The following DNMT1 variants were observed in gnomAD, a reference collection of about 807,000 sequenced individuals.
DNMT1 encodes the protein DNA (cytosine-5)-methyltransferase 1.
Under a neutral mutation model 205.3 loss-of-function variants are expected in DNMT1, and 24 were observed. That is an observed-to-expected ratio of 0.12 (90% CI 0.08 to 0.16). The LOEUF (loss-of-function observed/expected upper bound fraction) is 0.16. Among genes scored for constraint, DNMT1 ranks in the 10% least tolerant of loss-of-function variants. DNMT1 has a pLI of 1.00. For synonymous variants in DNMT1, 817 were observed against 839.8 expected, an observed-to-expected ratio of 0.97 and a Z score of 0.47; for missense variants, 1,293 against 2,177.7, an observed-to-expected ratio of 0.59 and a Z score of 8.09.
chr19:10,139,915 T>C, intron 33 of DNMT1, 98 bp from the exon 34 acceptor site: 1 of 1,575,946 alleles, frequency 6.3e-7, no homozygotes, highest in East Asian at 2.3e-5. Context: ...TATCAAAGTC[T>C]CTCCCTGGTG....
chr19:10,185,601 A>T (rs2039162662), intron 1 of DNMT1, among the ~76,000 whole-genome samples: 1 of 151,962 alleles, frequency 6.6e-6, no homozygotes, highest in Admixed American at 6.6e-5. Flanking sequence ...CCAAGGCAGG[A>T]GGATCACTTG....
chr19:10,173,254 T>G (rs979494144), intron 8 of DNMT1, 80 bp from the exon 9 acceptor site: 2 of 1,421,970 alleles, frequency 1.4e-6, no homozygotes, highest in African/African-American at 2.8e-5. Flanking sequence ...AAGCTCCTCT[T>G]TCCCCCAAAA....
chr19:10,136,190 G>A lies in DNMT1; in HGVS notation c.4587C>T (p.Leu1529=). The change falls in exon 38 of 41, where the codon CTC becomes CTT. Residue 1529 remains leucine (L), a synonymous_variant. Transcript: ENST00000359526. ...AGCCGTCCCACTCGAGCCTTCCATA[G>A]AGGCCAGCCCAGTGGTTGTGCCGGT... ...TGNRHNHWAG[L]YGRLEWDGFF... 6.2e-7 allele frequency: 1 copy of A among 1,614,162 alleles called. No individual in the cohort carries two copies. Among genetic ancestry groups the A allele is most frequent in the Non-Finnish European group, 8.5e-7 (1 of 1,180,046 alleles).
intron 7 of DNMT1, 65 bp from the exon 8 acceptor site, chr19:10,173,970 A>G: frequency 6.7e-7 from 1 of 1,487,994 alleles, no homozygotes; most frequent in Non-Finnish European, 9.4e-7. Flanking sequence ...GTCAACACCA[A>G]AAGTGTGAGT....
rs1568238267 is a variant in DNMT1, at chr19:10,159,954, CAG to C, written c.1090-34_1090-33del. 1.5e-5 allele frequency: 24 copies of C among 1,614,218 alleles called. No individual in the cohort carries two copies. Among genetic ancestry groups the C allele is most frequent in the South Asian group, 1.1e-4 (10 of 91,078 alleles). ...GAGCAGGAACACAGATGATGGCACT[CAG>C]AGAGCAGCTCCCAGCCGCCTCGTGA... On this transcript the variant is annotated intron_variant, in intron 15 of 40. Coordinates refer to ENST00000359526, the MANE Select transcript of DNMT1 (RefSeq NM_001130823.3). This position sits in a 1 kb window ranked among gnomAD's most constrained non-coding sequence, Gnocchi z 5.0.
Position 10,159,640 on chromosome 19 carries a change from A to C in DNMT1, c.1280+18T>G, listed in dbSNP as rs780702220. On this transcript the variant is annotated intron_variant, in intron 17 of 40. Transcript: ENST00000359526. The surrounding 1 kb of genome is among the most constrained non-coding windows in gnomAD (Gnocchi z 5.0). ...GCCTCCTTCCACGAAGCAAACATGC[A>C]CACGAAAGTGCACTTACCTGAAGCA... is the stretch of plus-strand genomic sequence containing the variant. 5.0e-6 allele frequency: 8 copies of C among 1,613,580 alleles called. No individual in the cohort carries two copies. The highest frequency in any genetic ancestry group is 2.7e-5 in the African/African-American group (2 of 74,926).
At chr19:10,188,045 G>A (rs760044213) in intron 1 of DNMT1, among the ~76,000 whole-genome samples, 112 of 152,310 alleles carry the variant, frequency 7.4e-4, no homozygotes, top group Non-Finnish European at 4.1e-4. Context: ...AGGAGACTGA[G>A]GCAGGAGGAT....
At chr19:10,191,692 T>A (rs1204728514) in intron 1 of DNMT1, among the ~76,000 whole-genome samples, 2 of 152,110 alleles carry the variant, frequency 1.3e-5, no homozygotes, top group African/African-American at 4.8e-5. Context: ...GCATCCACTT[T>A]TAAGAACTCT....
intron 1 of DNMT1, among the ~76,000 whole-genome samples, chr19:10,182,440 T>C (rs368242309): frequency 2.9e-5 from 4 of 137,718 alleles, no homozygotes; most frequent in East Asian, 4.1e-4. Flanking sequence ...TGTATATATA[T>C]ACATATATAT....
Position 10,154,992 on chromosome 19 carries a change from C to T in DNMT1, c.1557G>A (p.Gln519=). 1 of 1,614,042 alleles carries T rather than the reference C, an allele frequency of 6.2e-7. No individual in the cohort carries two copies. Among genetic ancestry groups the T allele is most frequent in the Non-Finnish European group, 8.5e-7 (1 of 1,180,000 alleles). The change falls in exon 20 of 41, where the codon CAG becomes CAA. Residue 519 remains glutamine (Q), a synonymous_variant. Coordinates refer to ENST00000359526, the MANE Select transcript of DNMT1 (RefSeq NM_001130823.3). This position sits in a 1 kb window ranked among gnomAD's most constrained non-coding sequence, Gnocchi z 6.3. The part of the protein sequence containing the change: ...PEYAPIFGLM[Q]EKIYISKIVV... ...CAATCTTGCTGATGTAGATCTTCTCCTGCATCAGCCCAAATATGGGCGCAT... is the reference window on the plus strand; with the variant it reads ...CAATCTTGCTGATGTAGATCTTCTCTTGCATCAGCCCAAATATGGGCGCAT...
At chr19:10,147,268 A>ATAAG (rs1404028873) in intron 27 of DNMT1, among the ~76,000 whole-genome samples, 1 of 26,088 alleles carries the variant, frequency 3.8e-5, no homozygotes, top group Non-Finnish European at 8.6e-5. Flanking sequence ...TCTCAGATAA[A>ATAAG]TAAATAAATA....
rs1344298238 is a variant in DNMT1 at position 10,134,076 on chromosome 19, C to T, written c.4864+141G>A. The T allele has an allele frequency of 6.1e-6, 5 of 816,794 alleles. 1 individual carries two copies. In the Admixed American group the frequency reaches 1.0e-4, roughly 16 times the overall value. 50.6% of individuals were successfully genotyped at this position (816,794 alleles called of 1,614,324 possible). ...AACTCACTCAATCCTCACAGCAGCC[C>T]CTTGAGAAAGATGGGGCCACGAACG... On this transcript the variant is annotated intron_variant, in intron 40 of 40. Transcript: ENST00000359526.
At position 10,160,359 on chromosome 19, in the gene DNMT1, G is replaced by A. The variant is rs747406267; in HGVS notation, c.1043+25C>T. 1.5e-5 allele frequency: 25 copies of A among 1,613,852 alleles called. No homozygotes were observed. The African/African-American group carries it at 2.0e-4, about 13-fold the overall frequency. On this transcript the variant is annotated intron_variant, in intron 14 of 40. Transcript: ENST00000359526. ...CATTTTAACATTACCATCTGCTTTC[G>A]ATAATGTCAAGAATAAATTCTTACG...
At position 10,138,033 on chromosome 19, in the gene DNMT1, ACC is replaced by A; in HGVS notation, c.4116-26_4116-25del. 1.2e-6 allele frequency: 2 copies of A among 1,602,584 alleles called. No individual in the cohort carries two copies. Among genetic ancestry groups the A allele is most frequent in the Non-Finnish European group, 1.7e-6 (2 of 1,174,570 alleles). On this transcript the variant is annotated intron_variant, in intron 35 of 40. Transcript: ENST00000359526. The surrounding 1 kb of genome is among the most constrained non-coding windows in gnomAD (Gnocchi z 4.1). ...ACCTGCAACAGAGGAGGAGGTCAAC[ACC>A]TCTGGAGATGCACGCAGCAGCTGTC...
Position 10,160,061 on chromosome 19 carries a change from G to A in DNMT1, c.1046C>T (p.Thr349Met), listed in dbSNP as rs775954754. 2.5e-5 allele frequency: 38 copies of A among 1,526,034 alleles called. No homozygotes were observed. Among genetic ancestry groups the A allele is most frequent in the African/African-American group, 1.2e-4 (5 of 41,478 alleles). The allele number at this position is 1,526,034 out of a possible 1,614,324, so 94.5% of individuals were successfully genotyped here. A position where few individuals can be genotyped will look rare whatever the true frequency, so the allele number is the denominator to read the frequency against. The change falls in exon 15 of 41, where the codon ACG (threonine) becomes ATG (methionine). Residue 349 changes from threonine to methionine, a missense_variant and splice_region_variant. Transcript: ENST00000359526. ...KRRKTTPKEP[T>M]EKKMARAKTV... The stretch of plus-strand genomic sequence containing the variant: ...TTTGGCGCGAGCCATTTTTTTCTCC[G>A]TTCTGGGGGAAAAAAAAAAATCACA...
Position 10,134,232 on chromosome 19 carries a change from G to C in DNMT1, c.4849C>G (p.Arg1617Gly). 1 of 1,614,182 alleles carries C rather than the reference G, an allele frequency of 6.2e-7. No homozygotes were observed. The highest frequency in any genetic ancestry group is 1.3e-5 in the African/African-American group (1 of 75,066). ...EIKLCMLAKA[R>G]ESASAKIKEE... Reference sequence around the variant, plus strand: ...CCCACCATACCTGAGGCACTCTCTCGGGCTTTGGCCAACATACAAAGCTTG... The same window carrying C: ...CCCACCATACCTGAGGCACTCTCTCCGGCTTTGGCCAACATACAAAGCTTG... Residue 1617 changes from arginine to glycine, a missense_variant, in exon 40 of 41, where the codon CGA (arginine) becomes GGA (glycine). Arg to Gly is a moderately radical substitution (Grantham distance 125). Around this residue, in one of 13 missense-constraint regions of DNMT1, gnomAD observed 37 missense variants for 36.3 expected, o/e 1.02. Transcript: ENST00000359526.
intron 1 of DNMT1, chr19:10,184,341 T>C (rs2039137308): frequency 6.6e-6 from 1 of 151,940 alleles, no homozygotes; most frequent in Admixed American, 6.6e-5. Context: ...CAGATAGAGG[T>C]GAAGTTAGAG....
In DNMT1 at chr19:10,151,005, G is replaced by A. The variant is rs560525283; in HGVS notation, c.2265+393C>T. ...AGCTATTCAGGAGGGTGGGGCAGGA[G>A]AATCGCTTGAACCTGGGAGGCAGAG... On this transcript the variant is annotated intron_variant, in intron 24 of 40. Transcript: ENST00000359526. The surrounding 1 kb of genome is among the most constrained non-coding windows in gnomAD (Gnocchi z 5.0). Among the ~76,000 whole-genome samples the A allele has an allele frequency of 2.6e-5, 4 of 152,212 alleles. No homozygotes were observed. The highest frequency in any genetic ancestry group is 5.9e-5 in the Non-Finnish European group (4 of 68,028).
At chr19:10,155,801 C>T in intron 19 of DNMT1, 52 bp downstream of exon 19, 2 of 1,569,200 alleles carry the variant, frequency 1.3e-6, no homozygotes, top group Admixed American at 1.8e-5. Flanking sequence ...GGAAGGAGAA[C>T]ATGAAGGCCC....
Sources: allele counts gnomAD v4.1 joint callset (sites outside exome capture counted in the v4.1 genomes callset), GRCh38; gene constraint gnomAD v4.1.1; regional missense constraint gnomAD v4.1.1; non-coding constraint Gnocchi (gnomAD v3.1); transcripts MANE v1.5; gene names NCBI Gene and HGNC (gene_info 2026-07-23, HGNC 2026-07-21).